Variants in PDGFRB observed in about 807,000 individuals in gnomAD.
The protein encoded by PDGFRB is platelet-derived growth factor receptor beta.
A neutral mutation model predicts 120.2 loss-of-function variants in PDGFRB; 42 were observed. The ratio of observed to expected loss-of-function variants is 0.35; its 90% CI spans 0.27 to 0.45. The LOEUF is 0.45. PDGFRB is among the 20% of genes least tolerant of loss of function. PDGFRB has a pLI of 1.00. For synonymous variants in PDGFRB, 586 were observed against 606.8 expected, an observed-to-expected ratio of 0.97 and a Z score of 0.50; for missense variants, 1,149 against 1,476.3, an observed-to-expected ratio of 0.78 and a Z score of 3.63.
intron 1 of PDGFRB, among the ~76,000 whole-genome samples, chr5:150,141,625 G>GA (rs1465924858): frequency 6.6e-6 from 1 of 152,106 alleles, no homozygotes; most frequent in Non-Finnish European, 1.5e-5. Context: ...AGTGGGGACT[G>GA]AAAAAAACAG....
intron 22 of PDGFRB, 68 bp downstream of exon 22, chr5:150,117,528 GCGCGCGCGCGCGCGCGCACACA>G (rs1368205878): frequency 4.7e-6 from 2 of 429,766 alleles, no homozygotes; most frequent in Admixed American, 4.4e-5. Flanking sequence ...AAACCTGGCA[GCGCGCGCGCGCGCGCGCACACA>G]CACACACACA....
intron 10 of PDGFRB, among the ~76,000 whole-genome samples, chr5:150,129,168 GCATGCATGCAAAGGAATTGTA>G (rs1001349606): frequency 6.6e-6 from 1 of 152,198 alleles, no homozygotes; most frequent in Non-Finnish European, 1.5e-5. Context: ...ATGCCAGTTT[GCATGCATGCAAAGGAATTGTA>G]CATGCATTGC....
At chr5:150,141,291 C>A (rs1490228706) in intron 1 of PDGFRB, among the ~76,000 whole-genome samples, 2 of 152,244 alleles carry the variant, frequency 1.3e-5, no homozygotes, top group East Asian at 3.8e-4. Context: ...GCACATAGAA[C>A]CCCAAATTCA....
At position 150,128,851 on chromosome 5, in the gene PDGFRB, C is replaced by A. The variant is rs549363940; in HGVS notation, c.1579+906G>T. ...TCTGGACTATGGGTACTAGGAGGTC[C>A]AGGCAGGGCTGAGCCCTTTGACCTT... is the stretch of plus-strand genomic sequence containing the variant. On this transcript the variant is annotated intron_variant, in intron 10 of 22. Coordinates refer to ENST00000261799, the MANE Select transcript of PDGFRB (RefSeq NM_002609.4). Among the ~76,000 whole-genome samples, 6 of 152,320 alleles carry A rather than the reference C, an allele frequency of 3.9e-5. No homozygotes were observed. In the South Asian group the frequency reaches 1.2e-3, roughly 32 times the overall value.
chr5:150,126,364 A>G (rs1259119434), intron 11 of PDGFRB, among the ~76,000 whole-genome samples, 156 bp downstream of exon 11: 1 of 152,098 alleles, frequency 6.6e-6, no homozygotes, highest in Non-Finnish European at 1.5e-5. Context: ...GGGGTGGAGG[A>G]AGCTGAGACA....
chr5:150,145,541 A>G (rs1760897260), intron 1 of PDGFRB, among the ~76,000 whole-genome samples: 1 of 152,208 alleles, frequency 6.6e-6, no homozygotes, highest in African/African-American at 2.4e-5. Context: ...CAGATGTGGA[A>G]ACTGAGGCAC....
chr5:150,131,074 G>A (rs979401368), intron 8 of PDGFRB, among the ~76,000 whole-genome samples: 1 of 152,112 alleles, frequency 6.6e-6, no homozygotes, highest in South Asian at 2.1e-4. Flanking sequence ...GTTACATTTT[G>A]TCTTTCAAAA....
Position 150,113,955 on chromosome 5 carries a change from G to A in PDGFRB, c.*1808C>T, listed in dbSNP as rs767530747. 10 of 233,190 alleles carry A rather than the reference G, an allele frequency of 4.3e-5. No individual in the cohort carries two copies. Among genetic ancestry groups the A allele is most frequent in the African/African-American group, 6.6e-5 (3 of 45,332 alleles). 14.4% of individuals were successfully genotyped at this position (233,190 alleles called of 1,614,324 possible). On this transcript the variant is annotated 3_prime_UTR_variant, in exon 23 of 23. Transcript: ENST00000261799. ...TTCTGCTGTATAAATGTGAGTTAAC[G>A]TGAGTCCTAAAAATATTTGTAAACC...
chr5:150,150,787 C>T (rs938845044), intron 1 of PDGFRB, among the ~76,000 whole-genome samples: 130 of 151,550 alleles, frequency 8.6e-4, no homozygotes, highest in Non-Finnish European at 1.4e-3. Flanking sequence ...TGTGTCCATT[C>T]CCCCCCTCAC....
chr5:150,153,085 G>C (rs1040784076), intron 1 of PDGFRB, among the ~76,000 whole-genome samples: 2 of 152,212 alleles, frequency 1.3e-5, no homozygotes, highest in Non-Finnish European at 2.9e-5. Context: ...GATGGGATGT[G>C]GGGGGTCTGA....
At chr5:150,122,510 CTGAA>C (rs1448329097) in intron 15 of PDGFRB, among the ~76,000 whole-genome samples, 2 of 152,254 alleles carry the variant, frequency 1.3e-5, no homozygotes, top group Non-Finnish European at 2.9e-5. Context: ...TCCTGGGAGA[CTGAA>C]TGTCAAAACA....
At chr5:150,143,918 C>T (rs966569966) in intron 1 of PDGFRB, among the ~76,000 whole-genome samples, 4 of 152,154 alleles carry the variant, frequency 2.6e-5, no homozygotes, top group East Asian at 1.9e-4. Context: ...AGCAGCCCGG[C>T]GCAGCCCACT....
At position 150,132,618 on chromosome 5, in the gene PDGFRB, G is replaced by C. The variant is rs1375342974; in HGVS notation, c.1127+132C>G. On this transcript the variant is annotated intron_variant, in intron 7 of 22. Transcript: ENST00000261799. This position sits in a 1 kb window ranked among gnomAD's most constrained non-coding sequence, Gnocchi z 5.0. ...TGAACTGTCAGCTCTGGTCGCTGCA[G>C]CATCCCCAGCACCTGGCACCTAATA... is the stretch of plus-strand genomic sequence containing the variant. 2.3e-5 allele frequency: 18 copies of C among 786,866 alleles called. No individual in the cohort carries two copies. In the East Asian group the frequency reaches 4.6e-4, roughly 20 times the overall value. 48.7% of individuals were successfully genotyped at this position (786,866 alleles called of 1,614,324 possible).
intron 21 of PDGFRB, among the ~76,000 whole-genome samples, chr5:150,118,218 G>C (rs899019898): frequency 1.3e-5 from 2 of 152,136 alleles, no homozygotes; most frequent in Non-Finnish European, 2.9e-5. Context: ...AGGTCCCTGG[G>C]ACCATCCCCG....
chr5:150,138,240 G>A (rs1046815898), intron 1 of PDGFRB, among the ~76,000 whole-genome samples: 5 of 152,220 alleles, frequency 3.3e-5, no homozygotes, highest in African/African-American at 1.2e-4. Context: ...TCCTCTGGCT[G>A]TGGGGCTGCC....
chr5:150,133,834 C>T (rs964254757), intron 5 of PDGFRB, 47 bp downstream of exon 5: 2 of 1,612,324 alleles, frequency 1.2e-6, no homozygotes, highest in East Asian at 4.5e-5. Flanking sequence ...GCCAGATATC[C>T]ACCCGTTCCT....
chr5:150,133,753 C>T lies in PDGFRB; in HGVS notation c.767G>A (p.Arg256Gln), dbSNP rs1351556504. Reference sequence around the variant, plus strand: ...GAAGTCAGTCACCGGCTCCACCAGCCGCCCACTCTGCAGCAACAGGTTGGG... The same window carrying T: ...GAAGTCAGTCACCGGCTCCACCAGCTGCCCACTCTGCAGCAACAGGTTGGG... ...EWTYPRKESG[R>Q]LVEPVTDFLL... The change falls in exon 6 of 23, where the codon CGG becomes CAG. Residue 256 changes from arginine to glutamine, a missense_variant. Arg to Gln is a conservative substitution (Grantham distance 43). Transcript: ENST00000261799. The T allele has an allele frequency of 1.9e-6, 3 of 1,613,926 alleles. No homozygotes were observed. The highest frequency in any genetic ancestry group is 1.3e-5 in the African/African-American group (1 of 74,902).
intron 1 of PDGFRB, among the ~76,000 whole-genome samples, chr5:150,143,578 TA>T (rs1215742813): frequency 6.6e-6 from 1 of 152,034 alleles, no homozygotes; most frequent in Non-Finnish European, 1.5e-5. Context: ...CGCCAGCAGC[TA>T]AAGAGTAGGA....
rs746634001 is a variant in PDGFRB, at chr5:150,123,206, A to G, written c.2024-5T>C. The G allele has an allele frequency of 1.2e-6, 2 of 1,611,996 alleles. No individual in the cohort carries two copies. Among genetic ancestry groups the G allele is most frequent in the Non-Finnish European group, 1.7e-6 (2 of 1,179,196 alleles). Reference sequence around the variant, plus strand: ...CAGTGATGATATAGATGGGTCCTGCAGAGGGACAGGCTCAGGGACAGTCCC... The same window carrying G: ...CAGTGATGATATAGATGGGTCCTGCGGAGGGACAGGCTCAGGGACAGTCCC... On this transcript the variant is annotated splice_polypyrimidine_tract_variant and splice_region_variant and intron_variant, in intron 14 of 22. Coordinates refer to ENST00000261799, the MANE Select transcript of PDGFRB (RefSeq NM_002609.4).
Sources: gnomAD v4.1 joint callset for allele counts (sites outside exome capture counted in the v4.1 genomes callset) on GRCh38, gnomAD v4.1.1 for gene constraint, Gnocchi (gnomAD v3.1) non-coding constraint, MANE v1.5 for transcripts, NCBI Gene and HGNC (gene_info 2026-07-23, HGNC 2026-07-21) for gene names.